CDH20: variants seen among roughly 807,000 people sequenced by gnomAD.
The protein encoded by CDH20 is cadherin-20.
Under a neutral mutation model 74.2 loss-of-function variants are expected in CDH20, and 29 were observed. The ratio of observed to expected loss-of-function variants is 0.39; its 90% CI spans 0.29 to 0.53. CDH20 has a LOEUF of 0.53. Ranked by LOEUF, CDH20 falls within the 20% of genes least tolerant of loss-of-function variation. The pLI is 0.69. For synonymous variants in CDH20, 469 were observed against 405.4 expected (o/e 1.16, Z -1.88); for missense variants, 988 against 1,048.3 (o/e 0.94, Z 0.79).
intron 7 of CDH20, among the ~76,000 whole-genome samples, chr18:61,531,942 T>A (rs1197451386): frequency 6.6e-6 from 1 of 152,172 alleles, no homozygotes; most frequent in African/African-American, 2.4e-5. Flanking sequence ...CAAACCTCTT[T>A]CCCTATAAAT....
At chr18:61,392,317 T>C (rs1424642620) in intron 1 of CDH20, among the ~76,000 whole-genome samples, 1 of 152,144 alleles carries the variant, frequency 6.6e-6, no homozygotes, top group African/African-American at 2.4e-5. Flanking sequence ...AGATGTCATG[T>C]CCTCAGGGAA....
chr18:61,537,007 T>G (rs960126183), intron 8 of CDH20, among the ~76,000 whole-genome samples: 13 of 152,174 alleles, frequency 8.5e-5, no homozygotes, highest in African/African-American at 2.9e-4. Flanking sequence ...CATATCACTC[T>G]TATTATACAA....
At chr18:61,477,885 C>A (rs1910447567) in intron 1 of CDH20, among the ~76,000 whole-genome samples, 1 of 151,996 alleles carries the variant, frequency 6.6e-6, no homozygotes, top group African/African-American at 2.4e-5. Flanking sequence ...TATTTGTATT[C>A]TTAAGCTAAT....
At position 61,520,036 on chromosome 18, in the gene CDH20, G is replaced by A. The variant is rs548750417; in HGVS notation, c.1018-7931G>A. 4.6e-5 allele frequency among the ~76,000 whole-genome samples: 7 copies of A among 150,608 alleles called. No individual in the cohort carries two copies. The East Asian group carries it at 1.4e-3, about 29-fold the overall frequency. On this transcript the variant is annotated intron_variant, in intron 6 of 11. Coordinates refer to ENST00000262717, the MANE Select transcript of CDH20 (RefSeq NM_031891.4). ...AACAAAGATCAAAAAAGACAAAAAGGCCAGGCGTGGTGGCTCACTCCTGTA... is the reference window on the plus strand; with the variant it reads ...AACAAAGATCAAAAAAGACAAAAAGACCAGGCGTGGTGGCTCACTCCTGTA...
At chr18:61,489,000 T>A (rs2144293315) in intron 1 of CDH20, among the ~76,000 whole-genome samples, 1 of 152,316 alleles carries the variant, frequency 6.6e-6, no homozygotes, top group Non-Finnish European at 1.5e-5. Flanking sequence ...CCCATTGCCC[T>A]CAATGAGGTG....
chr18:61,387,940 A>G (rs2144195464), intron 1 of CDH20, among the ~76,000 whole-genome samples: 1 of 151,964 alleles, frequency 6.6e-6, no homozygotes, highest in African/African-American at 2.4e-5. Flanking sequence ...TGTCTCATTG[A>G]GTGAATGTTA....
At chr18:61,440,236 A>G (rs1285308909) in intron 1 of CDH20, among the ~76,000 whole-genome samples, 1 of 152,182 alleles carries the variant, frequency 6.6e-6, no homozygotes, top group Non-Finnish European at 1.5e-5. Context: ...GTAAGTAGGC[A>G]TGATACAAGA....
At chr18:61,359,480 C>T (rs776237397) in intron 1 of CDH20, among the ~76,000 whole-genome samples, 1 of 152,018 alleles carries the variant, frequency 6.6e-6, no homozygotes, top group Non-Finnish European at 1.5e-5. Flanking sequence ...AAATGAGAAC[C>T]TTTTCATGAC....
At chr18:61,371,927 A>AT (rs1911057313) in intron 1 of CDH20, among the ~76,000 whole-genome samples, 1 of 152,110 alleles carries the variant, frequency 6.6e-6, no homozygotes, top group African/African-American at 2.4e-5. Flanking sequence ...CGAAAACAAT[A>AT]TTTTAAATGC....
In CDH20 at chr18:61,490,703, G is replaced by A. The variant is rs1325382965; in HGVS notation, c.150G>A (p.Lys50=). 1 of 1,614,038 alleles carries A rather than the reference G, an allele frequency of 6.2e-7. No individual in the cohort carries two copies. The highest frequency in any genetic ancestry group is 8.5e-7 in the Non-Finnish European group (1 of 1,180,036). Residue 50 remains lysine (K), a synonymous_variant, in exon 2 of 12, where the codon AAG becomes AAA. Transcript: ENST00000262717. The part of the protein sequence containing the change: ...QGELEALLSD[K]PQSHQRTKRS... ...AATTAGAAGCACTCCTGTCAGACAA[G>A]CCACAGTCACATCAGCGGACCAAGA... is the stretch of plus-strand genomic sequence containing the variant.
At chr18:61,508,163 A>G (rs986765910) in intron 6 of CDH20, among the ~76,000 whole-genome samples, 4 of 152,236 alleles carry the variant, frequency 2.6e-5, no homozygotes, top group African/African-American at 9.6e-5. Flanking sequence ...AGAAGATAAA[A>G]CTTTTTAAAA....
intron 11 of CDH20, among the ~76,000 whole-genome samples, chr18:61,551,637 C>G (rs542493379): frequency 5.3e-5 from 8 of 152,300 alleles, no homozygotes; most frequent in Non-Finnish European, 1.0e-4. Context: ...AAAATTGTTA[C>G]GGTTTCTGGT....
At chr18:61,474,744 C>T (rs778267130) in intron 1 of CDH20, among the ~76,000 whole-genome samples, 1 of 152,128 alleles carries the variant, frequency 6.6e-6, no homozygotes, top group African/African-American at 2.4e-5. Flanking sequence ...AATTTGCAGG[C>T]TAGCATGAAA....
intron 1 of CDH20, among the ~76,000 whole-genome samples, chr18:61,466,865 C>T (rs1327693806): frequency 2.6e-5 from 4 of 152,180 alleles, no homozygotes; most frequent in African/African-American, 9.7e-5. Context: ...ATGCCCTCCC[C>T]GCCTCCCTCT....
chr18:61,342,384 T>G (rs1909981271), intron 1 of CDH20, among the ~76,000 whole-genome samples: 1 of 152,242 alleles, frequency 6.6e-6, no homozygotes, highest in Non-Finnish European at 1.5e-5. Context: ...ATGCAGAAAC[T>G]GAGGCAGGAT....
At chr18:61,360,966 A>G (rs989504220) in intron 1 of CDH20, among the ~76,000 whole-genome samples, 2 of 152,262 alleles carry the variant, frequency 1.3e-5, no homozygotes, top group African/African-American at 4.8e-5. Flanking sequence ...ACTGTGATTT[A>G]TGCCTCAGTA....
chr18:61,517,502 C>T (rs1203720932), intron 6 of CDH20, among the ~76,000 whole-genome samples: 1 of 152,176 alleles, frequency 6.6e-6, no homozygotes, highest in African/African-American at 2.4e-5. Context: ...ACTCCCTCTC[C>T]TAGCCAGGGG....
intron 2 of CDH20, among the ~76,000 whole-genome samples, chr18:61,492,680 CT>C (rs1416706989): frequency 1.3e-5 from 2 of 152,212 alleles, no homozygotes; most frequent in Non-Finnish European, 2.9e-5. Flanking sequence ...TGCCCTTCCC[CT>C]GGCTTCTCTC....
intron 1 of CDH20, among the ~76,000 whole-genome samples, chr18:61,376,509 T>G (rs536042874): frequency 6.6e-5 from 10 of 152,268 alleles, no homozygotes; most frequent in African/African-American, 2.2e-4. Flanking sequence ...AATTTGATAT[T>G]TCCTTCAAAA....
Sources: allele counts gnomAD v4.1 joint callset (sites outside exome capture counted in the v4.1 genomes callset), GRCh38; gene constraint gnomAD v4.1.1; transcripts MANE v1.5; gene names NCBI Gene and HGNC (gene_info 2026-07-23, HGNC 2026-07-21).